The following PDXDC1 variants were observed in gnomAD, a reference collection of about 807,000 sequenced individuals.
PDXDC1 encodes the protein pyridoxal dependent decarboxylase domain containing 1, also known as pyridoxal-dependent decarboxylase domain-containing protein 1.
In PDXDC1, 42 loss-of-function variants were observed where a neutral mutation model predicts 100.1. The observed-to-expected ratio is 0.42, with a 90% CI of 0.33 to 0.54. The LOEUF is 0.54. Among genes scored for constraint, PDXDC1 ranks in the 20% least tolerant of loss-of-function variants. The probability of loss-of-function intolerance (pLI) is 0.10; values close to 1 mark genes in which losing one functional copy is unlikely to be tolerated. For synonymous variants in PDXDC1, 260 were observed against 371.7 expected (o/e 0.70, Z 3.46); for missense variants, 636 against 979.2 (o/e 0.65, Z 4.68).
At chr16:15,098,827 G>A (rs1234747872) in intron 16 of PDXDC1, among the ~76,000 whole-genome samples, 5 of 151,556 alleles carry the variant, frequency 3.3e-5, no homozygotes, top group East Asian at 2.0e-4. Context: ...GCAGTGAGCC[G>A]AGATCACTGC....
chr16:15,139,977 G>C (rs1375116967), downstream of PDXDC1, among the ~76,000 whole-genome samples: 3 of 150,148 alleles, frequency 2.0e-5, no homozygotes, highest in South Asian at 2.1e-4. Flanking sequence ...GAGCCTGTTA[G>C]TGCCAGCCAC....
At chr16:15,047,146 G>A in intron 16 of PDXDC1, 1 of 432,686 alleles carries the variant, frequency 2.3e-6, no homozygotes, top group Non-Finnish European at 4.2e-6. Flanking sequence ...ACCACACCCG[G>A]GGGAGAGCAA....
At chr16:15,080,169 A>C (rs2045639624) in intron 16 of PDXDC1, 2 of 1,497,844 alleles carry the variant, frequency 1.3e-6, no homozygotes, top group Admixed American at 5.5e-5. Flanking sequence ...GCAAAACATC[A>C]ATTACATGAC....
downstream of PDXDC1, among the ~76,000 whole-genome samples, chr16:15,142,016 C>T (rs1360525890): frequency 1.3e-5 from 2 of 152,208 alleles, no homozygotes; most frequent in African/African-American, 4.8e-5. Context: ...ACGGTGAACA[C>T]AGGCAGGCCC....
chr16:14,979,250 A>G (rs569384910), intron 1 of PDXDC1, among the ~76,000 whole-genome samples: 2 of 152,348 alleles, frequency 1.3e-5, no homozygotes, highest in South Asian at 2.1e-4. Flanking sequence ...GAACATTTCC[A>G]TCGCAAAGAA....
chr16:15,045,968 T>TTTGC (rs139925422), intron 16 of PDXDC1: 15,773 of 152,296 alleles, frequency 0.1, 935 homozygotes, highest in East Asian at 0.25. Context: ...CCACCATGGC[T>TTTGC]TTGCCACTGG....
chr16:15,032,038 G>T, intron 17 of PDXDC1, 132 bp downstream of exon 17: 1 of 789,958 alleles, frequency 1.3e-6, no homozygotes, highest in Non-Finnish European at 2.0e-6. Flanking sequence ...AATGCAACTC[G>T]GTTTTCTGGG....
In PDXDC1 at chr16:15,102,385, G is replaced by A. The variant is rs572903369; in HGVS notation, c.1400-36494G>A. Among the ~76,000 whole-genome samples the A allele has an allele frequency of 2.8e-4, 42 of 152,230 alleles. 1 individual carries two copies. The East Asian group carries it at 8.1e-3, about 29-fold the overall frequency. Reference sequence around the variant, plus strand: ...TGGTGAGGCCTGGATGACCTCCGGAGGCAGGGGCTTGTGCCTGGGCTGAGG... The same window carrying A: ...TGGTGAGGCCTGGATGACCTCCGGAAGCAGGGGCTTGTGCCTGGGCTGAGG... On this transcript the variant is annotated intron_variant, in intron 16 of 16. Transcript: ENST00000535621.
rs773748392 is a variant in PDXDC1 at position 15,104,743 on chromosome 16, C to G, written c.1400-34136C>G. 4.4e-6 allele frequency: 7 copies of G among 1,596,956 alleles called. No individual in the cohort carries two copies. The African/African-American group carries it at 5.3e-5, about 12-fold the overall frequency. Reference sequence around the variant, plus strand: ...AATCCTGAAGAATGACGATGCTCCGCTGCCGCCATTCTGACCTGTAGGGCC... The same window carrying G: ...AATCCTGAAGAATGACGATGCTCCGGTGCCGCCATTCTGACCTGTAGGGCC... On this transcript the variant is annotated intron_variant, in intron 16 of 16. Coordinates refer to the PDXDC1 transcript ENST00000535621.
chr16:15,094,249 C>T (rs776931346), intron 16 of PDXDC1: 2 of 1,556,204 alleles, frequency 1.3e-6, no homozygotes, highest in Admixed American at 3.8e-5. Flanking sequence ...CGAACTAACG[C>T]GACCGCTGCG....
chr16:15,095,321 C>CT (rs2046316449), intron 16 of PDXDC1, among the ~76,000 whole-genome samples: 1 of 152,070 alleles, frequency 6.6e-6, no homozygotes, highest in South Asian at 2.1e-4. Context: ...GGAAACTGTA[C>CT]AGGCCTATCA....
chr16:15,031,642 G>C, intron 16 of PDXDC1, 93 bp from the exon 17 acceptor site: 2 of 1,108,246 alleles, frequency 1.8e-6, no homozygotes, highest in Non-Finnish European at 2.7e-6. Flanking sequence ...AGTACCTCGA[G>C]CTTTTGACCT....
In PDXDC1 at chr16:15,028,134, T is replaced by C. The variant is rs1464664566; in HGVS notation, c.1205-744T>C. Among the ~76,000 whole-genome samples the C allele has an allele frequency of 5.9e-5, 9 of 152,370 alleles. No individual in the cohort carries two copies. The South Asian group carries it at 1.9e-3, about 32-fold the overall frequency. Reference sequence around the variant, plus strand: ...CTCTGCCCCGAATTCGCTTCTGCCTTCCCCCCTTCCACTCTCCCTCTTGTT... The same window carrying C: ...CTCTGCCCCGAATTCGCTTCTGCCTCCCCCCCTTCCACTCTCCCTCTTGTT... On this transcript the variant is annotated intron_variant, in intron 14 of 22. Coordinates refer to ENST00000396410, the MANE Select transcript of PDXDC1 (RefSeq NM_015027.4).
chr16:15,004,854 A>G (rs1188261563), intron 5 of PDXDC1, among the ~76,000 whole-genome samples: 3 of 152,276 alleles, frequency 2.0e-5, no homozygotes, highest in South Asian at 2.1e-4. Flanking sequence ...ACCTAATACG[A>G]TGTAAATGCT....
In PDXDC1 at chr16:15,130,805, C is replaced by T. The variant is rs755276820; in HGVS notation, c.1400-8074C>T. 4.9e-5 allele frequency: 45 copies of T among 927,480 alleles called. 1 individual carries two copies. The highest frequency in any genetic ancestry group is 4.8e-4 in the Admixed American group (25 of 52,396). 57.5% of individuals were successfully genotyped at this position (927,480 alleles called of 1,614,324 possible). Reference sequence around the variant, plus strand: ...ACAGGTAGCGGCCTGGGGCAGAACGCGCAGGTCACACGCCTGCTGGGAAGC... The same window carrying T: ...ACAGGTAGCGGCCTGGGGCAGAACGTGCAGGTCACACGCCTGCTGGGAAGC... On this transcript the variant is annotated intron_variant, in intron 16 of 16. Transcript: ENST00000535621.
At chr16:15,061,883 T>G in intron 16 of PDXDC1, 1 of 1,612,644 alleles carries the variant, frequency 6.2e-7, no homozygotes, top group Non-Finnish European at 8.5e-7. Flanking sequence ...CAGAAAGTCA[T>G]CATCTTCATC....
intron 1 of PDXDC1, among the ~76,000 whole-genome samples, chr16:14,984,747 C>T (rs1334626785): frequency 6.6e-6 from 1 of 152,154 alleles, no homozygotes. Context: ...CCGCCTCTGC[C>T]TCCCAAAGTG....
At chr16:15,059,220 C>A (rs1311697124) in intron 16 of PDXDC1, among the ~76,000 whole-genome samples, 1 of 152,166 alleles carries the variant, frequency 6.6e-6, no homozygotes, top group East Asian at 1.9e-4. Context: ...AGTTTCTCAG[C>A]ACTCCAAGGG....
chr16:14,993,207 A>C (rs1971236306), intron 1 of PDXDC1, among the ~76,000 whole-genome samples: 1 of 152,210 alleles, frequency 6.6e-6, no homozygotes, highest in Admixed American at 6.5e-5. Flanking sequence ...TTTGTTACAT[A>C]TGTATACATG....
Sources: gnomAD v4.1 joint callset for allele counts (sites outside exome capture counted in the v4.1 genomes callset) on GRCh38, gnomAD v4.1.1 for gene constraint, MANE v1.5 for transcripts, NCBI Gene and HGNC (gene_info 2026-07-23, HGNC 2026-07-21) for gene names.